The following ROBO2 variants were observed in gnomAD, a reference collection of about 807,000 sequenced individuals.
The protein encoded by ROBO2 is roundabout homolog 2.
In ROBO2, 53 loss-of-function variants were observed where a neutral mutation model predicts 160.8. The ratio of observed to expected loss-of-function variants is 0.33; its 90% CI spans 0.26 to 0.41. The LOEUF is 0.41. Ranked by LOEUF, ROBO2 falls within the 10% of genes least tolerant of loss-of-function variation. The pLI is 1.00. For missense variants in ROBO2, 1,577 were observed against 1,722.4 expected (o/e 0.92, Z 1.49); for synonymous variants, 664 against 611.7 (o/e 1.09, Z -1.26).
At chr3:76,441,159 T>C (rs17014182) in intron 2 of ROBO2, among the ~76,000 whole-genome samples, 7,816 of 152,276 alleles carry the variant, frequency 0.051, 209 homozygotes, top group Middle Eastern at 0.099. Flanking sequence ...AAATTATGTG[T>C]TCATTTTCAC....
chr3:75,924,977 C>T (rs775301772), intron 1 of ROBO2, among the ~76,000 whole-genome samples: 2 of 151,876 alleles, frequency 1.3e-5, no homozygotes, highest in African/African-American at 2.4e-5. Flanking sequence ...CGTGAGCCAC[C>T]GCGCCGGCCG....
intron 2 of ROBO2, among the ~76,000 whole-genome samples, chr3:76,807,904 A>T (rs1342105937): frequency 6.6e-6 from 1 of 152,100 alleles, no homozygotes; most frequent in Non-Finnish European, 1.5e-5. Context: ...AAAACTTAGG[A>T]CGGTTAATGC....
intron 2 of ROBO2, among the ~76,000 whole-genome samples, chr3:76,216,718 T>C (rs1172795569): frequency 6.6e-6 from 1 of 152,120 alleles, no homozygotes; most frequent in Non-Finnish European, 1.5e-5. Context: ...ATGGGAGACT[T>C]TAACACCCCA....
intron 2 of ROBO2, among the ~76,000 whole-genome samples, chr3:77,213,210 C>CT (rs902428251): frequency 7.9e-5 from 12 of 151,110 alleles, no homozygotes; most frequent in Non-Finnish European, 1.3e-4. Context: ...TGGTTCTGGA[C>CT]TTTTTTTTTG....
Position 76,213,563 on chromosome 3 carries a change from T to C in ROBO2, c.109+275961T>C, listed in dbSNP as rs140335531. ...TTCTAAGGAAATTAATCAGTGTTAA[T>C]TCACCTTTATACATCTATTTTTAAA... On this transcript the variant is annotated intron_variant, in intron 2 of 26. Coordinates refer to the ROBO2 transcript ENST00000487694. Among the ~76,000 whole-genome samples, 164 of 152,314 alleles carry C rather than the reference T, an allele frequency of 1.1e-3. 1 individual carries two copies. Among genetic ancestry groups the C allele is most frequent in the African/African-American group, 3.7e-3 (155 of 41,594 alleles).
intron 2 of ROBO2, among the ~76,000 whole-genome samples, chr3:76,060,350 G>A (rs1236064147): frequency 6.6e-6 from 1 of 152,202 alleles, no homozygotes; most frequent in East Asian, 1.9e-4. Context: ...ATCACATGTG[G>A]TGAAGGAGTG....
At chr3:76,121,098 A>G (rs2070734739) in intron 2 of ROBO2, among the ~76,000 whole-genome samples, 2 of 152,160 alleles carry the variant, frequency 1.3e-5, no homozygotes. Flanking sequence ...AAAGAGAGGC[A>G]ATGAAATTAT....
At chr3:76,200,100 A>G (rs1702453095) in intron 2 of ROBO2, among the ~76,000 whole-genome samples, 1 of 152,194 alleles carries the variant, frequency 6.6e-6, no homozygotes, top group Admixed American at 6.6e-5. Context: ...CAGATTAACA[A>G]CAGAAAAACA....
intron 2 of ROBO2, among the ~76,000 whole-genome samples, chr3:77,166,604 G>C (rs2079102553): frequency 6.6e-6 from 1 of 152,140 alleles, no homozygotes; most frequent in South Asian, 2.1e-4. Flanking sequence ...TGTCGCCCAG[G>C]CTGGGGTGCG....
chr3:77,033,047 G>A (rs960732110), intron 2 of ROBO2, among the ~76,000 whole-genome samples: 6 of 152,142 alleles, frequency 3.9e-5, no homozygotes, highest in Non-Finnish European at 5.9e-5. Flanking sequence ...AATGTACACT[G>A]GACCAAGTTC....
chr3:76,321,395 C>A (rs2072513585), intron 2 of ROBO2, among the ~76,000 whole-genome samples: 2 of 151,944 alleles, frequency 1.3e-5, no homozygotes, highest in Admixed American at 6.6e-5. Context: ...CGCCACTGCT[C>A]AGGAGGCTGA....
intron 1 of ROBO2, among the ~76,000 whole-genome samples, chr3:77,089,590 C>T (rs72904055): frequency 0.057 from 8,687 of 152,110 alleles, 822 homozygotes; most frequent in African/African-American, 0.2. Context: ...CAAATTTAGA[C>T]TTATTAAGAT....
intron 2 of ROBO2, among the ~76,000 whole-genome samples, chr3:76,769,806 GT>G (rs2061780503): frequency 6.6e-6 from 1 of 151,340 alleles, no homozygotes; most frequent in Non-Finnish European, 1.5e-5. Flanking sequence ...GAAGGTACAT[GT>G]TCTTTCATTT....
chr3:76,536,023 G>T (rs1043379912), intron 2 of ROBO2, among the ~76,000 whole-genome samples: 3 of 152,122 alleles, frequency 2.0e-5, no homozygotes, highest in Non-Finnish European at 4.4e-5. Context: ...GATTTCCAGT[G>T]GGGTCCTGCA....
intron 2 of ROBO2, among the ~76,000 whole-genome samples, chr3:76,875,775 T>C (rs956123063): frequency 6.6e-6 from 1 of 152,078 alleles, no homozygotes; most frequent in African/African-American, 2.4e-5. Flanking sequence ...CGCCTCCACC[T>C]CTCAAGTATC....
At chr3:77,625,405 G>T (rs1246356006) in intron 23 of ROBO2, among the ~76,000 whole-genome samples, 1 of 150,338 alleles carries the variant, frequency 6.7e-6, no homozygotes, top group Non-Finnish European at 1.5e-5. Context: ...TTTTGTCGGA[G>T]TCTCACTCTA....
intron 2 of ROBO2, among the ~76,000 whole-genome samples, chr3:77,190,906 T>A (rs1289857599): frequency 1.3e-5 from 2 of 151,996 alleles, no homozygotes; most frequent in African/African-American, 4.8e-5. Flanking sequence ...AGGTGAATAG[T>A]CCTGCTGGCA....
chr3:76,848,656 C>T (rs1188692462), intron 2 of ROBO2, among the ~76,000 whole-genome samples: 4 of 152,148 alleles, frequency 2.6e-5, no homozygotes, highest in South Asian at 2.1e-4. Flanking sequence ...CTTGTGAGGA[C>T]CCACGTCCTG....
chr3:77,241,677 G>A (rs2151375925), intron 2 of ROBO2, among the ~76,000 whole-genome samples: 1 of 152,292 alleles, frequency 6.6e-6, no homozygotes, highest in East Asian at 1.9e-4. Context: ...GTGCAGACAA[G>A]TTAAGTCAGG....
Sources: allele counts gnomAD v4.1 joint callset (sites outside exome capture counted in the v4.1 genomes callset), GRCh38; gene constraint gnomAD v4.1.1; transcripts MANE v1.5; gene names NCBI Gene and HGNC (gene_info 2026-07-23, HGNC 2026-07-21).